FARP1: variants seen among roughly 807,000 people sequenced by gnomAD.
FARP1 encodes the protein FERM, ARHGEF and pleckstrin domain-containing protein 1.
Under a neutral mutation model 128.8 loss-of-function variants are expected in FARP1, and 52 were observed. The ratio of observed to expected loss-of-function variants is 0.40; its 90% CI spans 0.32 to 0.51. The LOEUF (loss-of-function observed/expected upper bound fraction) is 0.51, where lower values mean the gene tolerates loss of function less well. FARP1 is among the 20% of genes least tolerant of loss of function. FARP1 has a pLI of 0.45. For missense variants in FARP1, 1,333 were observed against 1,367.9 expected (o/e 0.97, Z 0.40); for synonymous variants, 580 against 551.8 (o/e 1.05, Z -0.72).
intron 13 of FARP1, chr13:98,406,299 C>T (rs774468364): frequency 4.6e-5 from 7 of 152,200 alleles, no homozygotes; most frequent in Non-Finnish European, 7.3e-5. Context: ...TTCAAAGCCT[C>T]GGATTGTTTA....
chr13:98,279,130 C>T (rs1203220400), intron 2 of FARP1, among the ~76,000 whole-genome samples: 6 of 152,110 alleles, frequency 3.9e-5, no homozygotes, highest in South Asian at 4.2e-4. Flanking sequence ...CCAACGTGCC[C>T]GGCCCATTTT....
intron 2 of FARP1, among the ~76,000 whole-genome samples, chr13:98,312,148 T>TTTTTTTTTTTTG (rs1382897989): frequency 7.5e-6 from 1 of 133,572 alleles, no homozygotes; most frequent in Non-Finnish European, 1.6e-5. Flanking sequence ...TTTTTTTTTT[T>TTTTTTTTTTTTG]TTTTTTCTTT....
intron 7 of FARP1, 28 bp from the exon 8 acceptor site, chr13:98,385,639 C>A (rs375981695): frequency 3.7e-6 from 6 of 1,612,934 alleles, no homozygotes; most frequent in East Asian, 2.2e-5. Context: ...AATCTCCTGG[C>A]CTTTCTGTTT....
chr13:98,203,743 T>A (rs1880097094), intron 1 of FARP1: 3 of 152,218 alleles, frequency 2.0e-5, no homozygotes, highest in Non-Finnish European at 4.4e-5. Context: ...TGTTTTCATT[T>A]GTCCTGGGAA....
Position 98,306,730 on chromosome 13 carries a change from C to T in FARP1, c.172-37032C>T, listed in dbSNP as rs1017815077. Among the ~76,000 whole-genome samples the T allele has an allele frequency of 2.2e-4, 33 of 152,000 alleles. 1 individual carries two copies. Among genetic ancestry groups the T allele is most frequent in the Admixed American group, 1.9e-3 (29 of 15,264 alleles). Reference sequence around the variant, plus strand: ...GTCGAGATGAGGTCTCTCTATGTTACCCAGGCTAGCCTCGAACTCCTGGCC... The same window carrying T: ...GTCGAGATGAGGTCTCTCTATGTTATCCAGGCTAGCCTCGAACTCCTGGCC... On this transcript the variant is annotated intron_variant, in intron 2 of 26. Transcript: ENST00000319562.
chr13:98,338,293 C>T (rs573910313), intron 2 of FARP1, among the ~76,000 whole-genome samples: 5 of 152,304 alleles, frequency 3.3e-5, no homozygotes, highest in Admixed American at 3.3e-4. Flanking sequence ...AAGCTCTGAT[C>T]CTGTTAATCA....
chr13:98,244,337 G>A (rs767695283), intron 2 of FARP1, among the ~76,000 whole-genome samples: 2 of 152,178 alleles, frequency 1.3e-5, no homozygotes, highest in African/African-American at 2.4e-5. Flanking sequence ...TTGGATATAA[G>A]TATAGGCTGG....
intron 6 of FARP1, 103 bp downstream of exon 6, chr13:98,378,021 T>C (rs1347542923): frequency 1.1e-6 from 1 of 888,284 alleles, no homozygotes; most frequent in Non-Finnish European, 1.8e-6. Flanking sequence ...TGTCAATGTT[T>C]TTGTGTTATT....
At chr13:98,270,595 G>A (rs573994668) in intron 2 of FARP1, among the ~76,000 whole-genome samples, 1 of 152,238 alleles carries the variant, frequency 6.6e-6, no homozygotes, top group South Asian at 2.1e-4. Flanking sequence ...GTTCCTCTGT[G>A]TGCAGGAAAC....
intron 15 of FARP1, 128 bp from the exon 16 acceptor site, chr13:98,411,773 T>G (rs1891202043): frequency 1.8e-5 from 18 of 982,360 alleles, no homozygotes; most frequent in Non-Finnish European, 2.8e-5. Context: ...GTTCCTGAAA[T>G]GCCAAGAACC....
intron 2 of FARP1, among the ~76,000 whole-genome samples, chr13:98,314,780 T>C (rs2139762039): frequency 6.6e-6 from 1 of 152,316 alleles, no homozygotes; most frequent in Non-Finnish European, 1.5e-5. Flanking sequence ...GCTCTTGTGG[T>C]CCTGCGGGAC....
chr13:98,344,488 G>A (rs1310528362), intron 3 of FARP1, among the ~76,000 whole-genome samples: 1 of 151,840 alleles, frequency 6.6e-6, no homozygotes, highest in African/African-American at 2.4e-5. Context: ...ATTCCAGCTT[G>A]AGGAGGCAGG....
At chr13:98,362,545 C>T (rs1331017552) in intron 3 of FARP1, among the ~76,000 whole-genome samples, 1 of 152,192 alleles carries the variant, frequency 6.6e-6, no homozygotes, top group Admixed American at 6.5e-5. Context: ...TCTGCTCCTA[C>T]CTGGCTGTCC....
At chr13:98,315,205 A>G (rs1886668600) in intron 2 of FARP1, among the ~76,000 whole-genome samples, 1 of 152,118 alleles carries the variant, frequency 6.6e-6, no homozygotes, top group Admixed American at 6.5e-5. Flanking sequence ...ATTCTGGCTC[A>G]CTGCAGCCAC....
At chr13:98,368,960 C>G (rs1427266973) in intron 5 of FARP1, among the ~76,000 whole-genome samples, 1 of 148,210 alleles carries the variant, frequency 6.7e-6, no homozygotes, top group Admixed American at 6.8e-5. Flanking sequence ...GAGTCTCTCT[C>G]TGTCGCCCAG....
intron 2 of FARP1, among the ~76,000 whole-genome samples, chr13:98,263,297 C>T (rs1196756076): frequency 1.3e-5 from 2 of 152,166 alleles, no homozygotes; most frequent in African/African-American, 4.8e-5. Context: ...CATGAGCCAC[C>T]ACGCCCGGCC....
At chr13:98,412,060 A>G in intron 16 of FARP1, 26 bp downstream of exon 16, 2 of 1,607,706 alleles carry the variant, frequency 1.2e-6, no homozygotes, top group Non-Finnish European at 8.5e-7. Context: ...CTTCCCAGCT[A>G]CGTTCCTCCC....
intron 1 of FARP1, among the ~76,000 whole-genome samples, chr13:98,170,678 G>C (rs190452075): frequency 6.6e-6 from 1 of 151,992 alleles, no homozygotes; most frequent in Non-Finnish European, 1.5e-5. Context: ...TTTTAGTAGA[G>C]ACAGGGTTTT....
At chr13:98,265,598 C>T (rs370166832) in intron 2 of FARP1, among the ~76,000 whole-genome samples, 10 of 151,900 alleles carry the variant, frequency 6.6e-5, no homozygotes, top group East Asian at 1.9e-4. Flanking sequence ...GGATTACAGG[C>T]GTGAGCCACC....
Sources: allele counts gnomAD v4.1 joint callset (sites outside exome capture counted in the v4.1 genomes callset), GRCh38; gene constraint gnomAD v4.1.1; transcripts MANE v1.5; gene names NCBI Gene and HGNC (gene_info 2026-07-23, HGNC 2026-07-21).